Variants in APOO observed in about 807,000 individuals in gnomAD.
The protein encoded by APOO is MICOS complex subunit MIC26.
Under a neutral mutation model 23.1 loss-of-function variants are expected in APOO, and 11 were observed. That is an observed-to-expected ratio of 0.48 (90% confidence interval 0.30 to 0.79). The LOEUF (loss-of-function observed/expected upper bound fraction) is 0.79, where lower values mean the gene tolerates loss of function less well. Among genes scored for constraint, APOO ranks in the 30% least tolerant of loss-of-function variants. The probability of loss-of-function intolerance (pLI) is 0.07; values close to 1 mark genes in which losing one functional copy is unlikely to be tolerated. For synonymous variants in APOO, 59 were observed against 54.8 expected, an observed-to-expected ratio of 1.08 and a Z score of -0.34; for missense variants, 160 against 142.7, an observed-to-expected ratio of 1.12 and a Z score of -0.62.
In APOO at chrX:23,871,251, T is replaced by TGAGGC. The variant is rs1333179530; in HGVS notation, c.293-2564_293-2563insGCCTC. ...GGTGGCAGGCGCCTGTAGTCCCAGC[T>TGAGGC]ACTCGGGAGGCTGAGGCAGGAGAAT... On this transcript the variant is annotated intron_variant, in intron 4 of 8. Transcript: ENST00000379226. Among the ~76,000 whole-genome samples the TGAGGC allele has an allele frequency of 1.9e-4, 19 of 102,127 alleles. No homozygotes were observed. In the South Asian group the frequency reaches 7.8e-3, roughly 42 times the overall value. 88.7% of individuals were successfully genotyped at this position (102,127 alleles called of 115,157 possible).
chrX:23,842,154 C>G (rs59620472), intron 7 of APOO, among the ~76,000 whole-genome samples: 1 of 111,024 alleles, frequency 9.0e-6, no homozygotes, highest in Non-Finnish European at 1.9e-5. Context: ...TTCAGGAGGC[C>G]GAGGCGGGTG....
chrX:23,877,363 T>C (rs181673517), intron 3 of APOO, among the ~76,000 whole-genome samples: 4 of 112,667 alleles, frequency 3.6e-5, no homozygotes, highest in Non-Finnish European at 7.5e-5. Context: ...TATAATGGCC[T>C]AATTCTTATT....
intron 5 of APOO, among the ~76,000 whole-genome samples, chrX:23,864,876 A>G (rs1035142929): frequency 9.0e-6 from 1 of 110,810 alleles, no homozygotes; most frequent in Non-Finnish European, 1.9e-5. Flanking sequence ...CACCCAAGTG[A>G]GGACCAGGGA....
At chrX:23,898,563 C>T (rs772774296) in intron 1 of APOO, among the ~76,000 whole-genome samples, 1 of 111,667 alleles carries the variant, frequency 9.0e-6, no homozygotes, top group African/African-American at 3.2e-5. Context: ...ATGTACAAGA[C>T]TCAATTCGGT....
chrX:23,846,374 C>A (rs1348918467), intron 7 of APOO, among the ~76,000 whole-genome samples: 11 of 104,357 alleles, frequency 1.1e-4, no homozygotes, highest in Non-Finnish European at 1.9e-4. Context: ...GTAGTCCCAG[C>A]ACTTTGGGAG....
intron 7 of APOO, among the ~76,000 whole-genome samples, chrX:23,853,954 T>C (rs759497601): frequency 3.6e-5 from 4 of 111,243 alleles, no homozygotes; most frequent in Admixed American, 2.9e-4. Flanking sequence ...TTACCTTCTA[T>C]TGAGAACAGA....
chrX:23,866,657 C>A (rs1369133674), intron 5 of APOO, among the ~76,000 whole-genome samples: 2 of 111,046 alleles, frequency 1.8e-5, no homozygotes, highest in Non-Finnish European at 3.8e-5. Flanking sequence ...GGCATGGTGG[C>A]AGGCGCCTGT....
At chrX:23,878,553 G>C (rs2147017222) in intron 3 of APOO, among the ~76,000 whole-genome samples, 1 of 112,425 alleles carries the variant, frequency 8.9e-6, no homozygotes, top group African/African-American at 3.2e-5. Context: ...CATGCAATGT[G>C]AAATAAGCAC....
At chrX:23,839,791 T>C (rs1306936931) in intron 8 of APOO, among the ~76,000 whole-genome samples, 1 of 111,847 alleles carries the variant, frequency 8.9e-6, no homozygotes, top group African/African-American at 3.2e-5. Context: ...AATAATATTC[T>C]TCTTTATAGA....
chrX:23,889,875 A>C lies in APOO; in HGVS notation c.10-8923T>G, dbSNP rs1037098229. 4.6e-5 allele frequency among the ~76,000 whole-genome samples: 5 copies of C among 109,396 alleles called. No homozygotes were observed. The East Asian group carries it at 1.2e-3, about 25-fold the overall frequency. 95.0% of individuals were successfully genotyped at this position (109,396 alleles called of 115,157 possible). On this transcript the variant is annotated intron_variant, in intron 1 of 8. Coordinates refer to ENST00000379226, the MANE Select transcript of APOO (RefSeq NM_024122.5). ...ACGGGGTTTCACTGTGTTAGCCAGG[A>C]TGGTCTCAATCTTCTGACCTCGTGA...
chrX:23,886,145 G>A (rs1314257159), intron 1 of APOO, among the ~76,000 whole-genome samples: 1 of 111,194 alleles, frequency 9.0e-6, no homozygotes, highest in African/African-American at 3.3e-5. Flanking sequence ...ACTGCCAAAT[G>A]TCTCCTGGGG....
intron 1 of APOO, among the ~76,000 whole-genome samples, chrX:23,901,072 T>C (rs1194389803): frequency 8.9e-6 from 1 of 112,209 alleles, no homozygotes; most frequent in East Asian, 2.8e-4. Flanking sequence ...TCCGCGCAGT[T>C]CTAGTAACAT....
intron 7 of APOO, among the ~76,000 whole-genome samples, chrX:23,845,447 G>A (rs970731309): frequency 2.7e-5 from 3 of 111,827 alleles, no homozygotes; most frequent in African/African-American, 9.7e-5. Flanking sequence ...TGTGCAAGGG[G>A]TCTGTAGAAC....
At position 23,907,823 on chromosome X, in the gene APOO, G is replaced by C. The variant is rs1174504522; in HGVS notation, c.-121C>G. 3 of 834,740 alleles carry C rather than the reference G, an allele frequency of 3.6e-6. No homozygotes were observed. Among genetic ancestry groups the C allele is most frequent in the Non-Finnish European group, 4.9e-6 (3 of 611,713 alleles). 68.8% of individuals were successfully genotyped at this position (834,740 alleles called of 1,213,427 possible). A position where few individuals can be genotyped will look rare whatever the true frequency, so the allele number is the denominator to read the frequency against. The stretch of plus-strand genomic sequence containing the variant: ...TCCAACCGCAAGCAGGCAGCGGTGC[G>C]GGTGACGGCCGTACTGCAAACTCGG... On this transcript the variant is annotated 5_prime_UTR_variant, in exon 1 of 9. Coordinates refer to ENST00000379226, the MANE Select transcript of APOO (RefSeq NM_024122.5).
At chrX:23,848,923 C>A (rs1924389287) in intron 7 of APOO, among the ~76,000 whole-genome samples, 1 of 97,315 alleles carries the variant, frequency 1.0e-5, no homozygotes, top group African/African-American at 3.9e-5. Context: ...GTGGTAGGAT[C>A]TCAGCTCACT....
intron 7 of APOO, among the ~76,000 whole-genome samples, chrX:23,849,611 T>G (rs6653695): frequency 0.43 from 36,169 of 83,790 alleles, 9,577 homozygotes; most frequent in African/African-American, 0.85. Flanking sequence ...AAAAAAAAAG[T>G]TCGGGCATGG....
intron 4 of APOO, among the ~76,000 whole-genome samples, chrX:23,869,217 C>A (rs16982829): frequency 1.6e-4 from 18 of 110,554 alleles, no homozygotes; most frequent in Admixed American, 4.9e-4. Context: ...CTGCAAGTGT[C>A]CAATTTTCAA....
chrX:23,862,443 C>A (rs993164721), intron 5 of APOO, among the ~76,000 whole-genome samples: 1 of 110,241 alleles, frequency 9.1e-6, no homozygotes, highest in South Asian at 3.8e-4. Context: ...CTAATTAATG[C>A]GTTGAGGAAG....
At chrX:23,849,243 C>G (rs1488021900) in intron 7 of APOO, among the ~76,000 whole-genome samples, 1 of 108,893 alleles carries the variant, frequency 9.2e-6, no homozygotes, top group Non-Finnish European at 1.9e-5. Flanking sequence ...CGGCCAATAT[C>G]ACCATTTCTA....
Sources: gnomAD v4.1 joint callset for allele counts (sites outside exome capture counted in the v4.1 genomes callset) on GRCh38, gnomAD v4.1.1 for gene constraint, MANE v1.5 for transcripts, NCBI Gene and HGNC (gene_info 2026-07-23, HGNC 2026-07-21) for gene names.